TMPRSS4: variants seen among roughly 807,000 people sequenced by gnomAD.
TMPRSS4 encodes the protein transmembrane serine protease 4, also known as transmembrane protease serine 4.
A neutral mutation model predicts 56.4 loss-of-function variants in TMPRSS4; 45 were observed. The observed-to-expected ratio is 0.80, with a 90% CI of 0.63 to 1.02. The LOEUF (loss-of-function observed/expected upper bound fraction) is 1.02, where lower values mean the gene tolerates loss of function less well. TMPRSS4 is among the 50% of genes least tolerant of loss of function. TMPRSS4 has a pLI of 0.00. For missense variants in TMPRSS4, 546 were observed against 556.7 expected, an observed-to-expected ratio of 0.98 and a Z score of 0.19; for synonymous variants, 205 against 211.0, an observed-to-expected ratio of 0.97 and a Z score of 0.25.
In TMPRSS4 at chr11:118,120,688, G is replaced by T. The variant is rs7928092; in HGVS notation, c.*2775G>T. ...AGAAGTGACTAGGCTTAACAGCAGA[G>T]AGAGATAAGGAGATTAAAAATATGA... On this transcript the variant is annotated 3_prime_UTR_variant, in exon 13 of 13. Coordinates refer to ENST00000437212, the MANE Select transcript of TMPRSS4 (RefSeq NM_019894.4). 1 of 151,964 alleles carries T rather than the reference G, an allele frequency of 6.6e-6. No individual in the cohort carries two copies. 9.4% of individuals were successfully genotyped at this position (151,964 alleles called of 1,614,324 possible).
chr11:118,098,185 C>G (rs576311331), intron 2 of TMPRSS4, among the ~76,000 whole-genome samples: 1 of 152,364 alleles, frequency 6.6e-6, no homozygotes, highest in African/African-American at 2.4e-5. Context: ...GTTCAAGAGT[C>G]TCCACAGCTG....
intron 1 of TMPRSS4, among the ~76,000 whole-genome samples, chr11:118,083,365 C>T (rs1409310351): frequency 2.0e-5 from 3 of 152,142 alleles, no homozygotes; most frequent in African/African-American, 7.2e-5. Context: ...AGAGAGTTCA[C>T]ACAGGTCACA....
intron 5 of TMPRSS4, chr11:118,107,100 G>A (rs1194475684): frequency 1.3e-5 from 2 of 152,178 alleles, no homozygotes; most frequent in African/African-American, 4.8e-5. Flanking sequence ...TTCAGTAAAG[G>A]AACAATCAGA....
At chr11:118,098,889 G>A in intron 2 of TMPRSS4, 96 bp from the exon 3 acceptor site, 1 of 948,310 alleles carries the variant, frequency 1.1e-6, no homozygotes, top group Non-Finnish European at 1.7e-6. Context: ...AGGCATACCT[G>A]TCACCGGCCA....
intron 5 of TMPRSS4, chr11:118,106,967 G>A (rs1947024157): frequency 6.6e-6 from 1 of 152,172 alleles, no homozygotes; most frequent in African/African-American, 2.4e-5. Context: ...GGAAGTGCCA[G>A]CATTCCTGCC....
chr11:118,104,758 CT>C lies in TMPRSS4; in HGVS notation c.379del (p.Cys127ValfsTer74). ...DSATGNWFSA[C>X]FDNFTEALAE... ...CGGCCACAGGGAACTGGTTCTCTGC[CT>C]GTTTCGACAACTTCACAGAAGCTCT... On this transcript the variant is annotated frameshift_variant, in exon 5 of 13. Transcript: ENST00000437212. LOFTEE classifies it high-confidence loss of function. The C allele has an allele frequency of 6.2e-7, 1 of 1,614,146 alleles. No homozygotes were observed. Among genetic ancestry groups the C allele is most frequent in the South Asian group, 1.1e-5 (1 of 91,080 alleles).
intron 1 of TMPRSS4, among the ~76,000 whole-genome samples, chr11:118,077,821 G>T (rs535289087): frequency 1.7e-4 from 26 of 152,140 alleles, no homozygotes; most frequent in African/African-American, 5.5e-4. Flanking sequence ...AGACCAGCCT[G>T]GCCAGTATGG....
intron 11 of TMPRSS4, among the ~76,000 whole-genome samples, chr11:118,116,031 G>A (rs1947531208): frequency 9.4e-6 from 1 of 106,248 alleles, no homozygotes; most frequent in South Asian, 2.5e-4. Flanking sequence ...GGCCTCATTG[G>A]CCATCAGGAC....
In TMPRSS4 at chr11:118,115,252, T is replaced by A; in HGVS notation, c.1124T>A (p.Ile375Asn). ...ACCGAGAAGATGATGTGTGCAGGCA[T>A]CCCGGAAGGGGGTGTGGACACCTGC... Reference protein sequence around the residue: ...EVTEKMMCAGIPEGGVDTCQG... With the variant: ...EVTEKMMCAGNPEGGVDTCQG... Residue 375 changes from isoleucine to asparagine, a missense_variant, in exon 11 of 13, where the codon ATC becomes AAC. By Grantham distance (149) the Ile-to-Asn change is moderately radical. Transcript: ENST00000437212. The A allele has an allele frequency of 1.9e-6, 3 of 1,612,204 alleles. No homozygotes were observed. Among genetic ancestry groups the A allele is most frequent in the Non-Finnish European group, 2.5e-6 (3 of 1,179,788 alleles).
intron 12 of TMPRSS4, 117 bp from the exon 13 acceptor site, chr11:118,117,785 G>T: frequency 6.3e-7 from 1 of 1,596,392 alleles, no homozygotes; most frequent in Non-Finnish European, 8.5e-7. Context: ...CTGGCCCTCT[G>T]CAGGGTAGGG....
intron 1 of TMPRSS4, among the ~76,000 whole-genome samples, chr11:118,078,011 CTCAAAAAAAA>C (rs1295192397): frequency 9.0e-5 from 4 of 44,422 alleles, no homozygotes; most frequent in South Asian, 9.7e-4. Context: ...GAAACTCCGT[CTCAAAAAAAA>C]AAAAAAAAAA....
chr11:118,091,904 G>A (rs1163321776), intron 1 of TMPRSS4, among the ~76,000 whole-genome samples: 1 of 152,112 alleles, frequency 6.6e-6, no homozygotes, highest in African/African-American at 2.4e-5. Flanking sequence ...ATCCAGCCCT[G>A]GTGATGGTGG....
chr11:118,111,885 C>T lies in TMPRSS4; in HGVS notation c.728C>T (p.Ala243Val). 5 of 1,608,488 alleles carry T rather than the reference C, an allele frequency of 3.1e-6. No homozygotes were observed. Among genetic ancestry groups the T allele is most frequent in the Non-Finnish European group, 4.2e-6 (5 of 1,177,682 alleles). ...SILDPHWVLT[A>V]AHCFRKHTDV... ...CTGGACCCCCACTGGGTCCTCACGGCAGCCCACTGCTTCAGGTAAGACCCC... is the reference window on the plus strand; with the variant it reads ...CTGGACCCCCACTGGGTCCTCACGGTAGCCCACTGCTTCAGGTAAGACCCC... Residue 243 changes from alanine (A) to valine (V), a missense_variant, in exon 8 of 13, where the codon GCA (alanine) becomes GTA (valine). Ala to Val is a moderately conservative substitution (Grantham distance 64, BLOSUM62 0). Transcript: ENST00000437212.
At chr11:118,122,882 T>A (rs1194560091), downstream of TMPRSS4, among the ~76,000 whole-genome samples, 7 of 152,134 alleles carry the variant, frequency 4.6e-5, no homozygotes, top group Non-Finnish European at 7.4e-5. Flanking sequence ...GAGAGCTCCC[T>A]GTTCATGAAT....
At chr11:118,096,846 G>GGAAAGAAGGAAA (rs1555084542) in intron 2 of TMPRSS4, among the ~76,000 whole-genome samples, 4 of 36,290 alleles carry the variant, frequency 1.1e-4, no homozygotes, top group African/African-American at 5.3e-4. Context: ...AAGGAAAGAA[G>GGAAAGAAGGAAA]GAAAGAAAGA....
At chr11:118,081,994 C>T (rs966610934) in intron 1 of TMPRSS4, among the ~76,000 whole-genome samples, 1 of 152,214 alleles carries the variant, frequency 6.6e-6, no homozygotes, top group Non-Finnish European at 1.5e-5. Context: ...AGCCCCCTCA[C>T]CTTCATCCCA....
intron 1 of TMPRSS4, among the ~76,000 whole-genome samples, chr11:118,082,772 A>T (rs1301209953): frequency 6.6e-6 from 1 of 152,164 alleles, no homozygotes; most frequent in African/African-American, 2.4e-5. Context: ...ATTTAAAGAG[A>T]GAATATTATA....
chr11:118,082,056 G>T (rs582146), intron 1 of TMPRSS4, among the ~76,000 whole-genome samples: 22,490 of 152,148 alleles, frequency 0.15, 1,817 homozygotes, highest in East Asian at 0.3. Context: ...AGAGAGGAGG[G>T]TCTTGCCAGG....
chr11:118,103,450 C>T (rs1352048248), intron 4 of TMPRSS4, among the ~76,000 whole-genome samples, 197 bp downstream of exon 4: 1 of 152,270 alleles, frequency 6.6e-6, no homozygotes, highest in African/African-American at 2.4e-5. Flanking sequence ...GTCTTGGTCT[C>T]GGCTCACTGC....
Sources: allele counts gnomAD v4.1 joint callset (sites outside exome capture counted in the v4.1 genomes callset), GRCh38; gene constraint gnomAD v4.1.1; transcripts MANE v1.5; gene names NCBI Gene and HGNC (gene_info 2026-07-23, HGNC 2026-07-21).